The following RELN variants were observed in gnomAD, a reference collection of about 807,000 sequenced individuals.
RELN encodes the protein reelin.
RELN carries 108 observed loss-of-function variants against 427.6 expected under a neutral mutation model. The observed-to-expected ratio is 0.25, with a 90% CI of 0.22 to 0.30. The LOEUF (loss-of-function observed/expected upper bound fraction) is 0.30. RELN is among the 10% of genes least tolerant of loss of function. The pLI is 1.00. For synonymous variants in RELN, 1,524 were observed against 1,513.4 expected (o/e 1.01, Z -0.16); for missense variants, 3,715 against 4,302.8 (o/e 0.86, Z 3.82).
At chr7:103,543,184 C>T (rs1185577877) in intron 42 of RELN, among the ~76,000 whole-genome samples, 1 of 152,154 alleles carries the variant, frequency 6.6e-6, no homozygotes. Flanking sequence ...ACTGGTTAGT[C>T]AGAGAGTAGT....
At chr7:103,479,671 A>G (rs1414108479) in intron 63 of RELN, among the ~76,000 whole-genome samples, 1 of 152,170 alleles carries the variant, frequency 6.6e-6, no homozygotes, top group Non-Finnish European at 1.5e-5. Flanking sequence ...ATTTATGAAA[A>G]TCAAATCCTT....
intron 1 of RELN, among the ~76,000 whole-genome samples, chr7:103,979,593 A>G (rs889989918): frequency 5.3e-5 from 8 of 152,232 alleles, no homozygotes; most frequent in African/African-American, 1.9e-4. Context: ...GGTTTATATC[A>G]CTGTAAGAGC....
chr7:103,518,505 G>GTTTTTTTTTTTTTTTTTTTTTTTTTTTT (rs58239018), intron 49 of RELN, among the ~76,000 whole-genome samples: 1 of 114,358 alleles, frequency 8.7e-6, no homozygotes, highest in Non-Finnish European at 1.6e-5. Flanking sequence ...GGTAATTTAA[G>GTTTTTTTTTTTTTTTTTTTTTTTTTTTT]TTTTTTTTTT....
chr7:103,487,209 A>G (rs963603061), intron 60 of RELN, among the ~76,000 whole-genome samples: 2 of 152,184 alleles, frequency 1.3e-5, no homozygotes, highest in Non-Finnish European at 2.9e-5. Context: ...TTGAACAATT[A>G]GAACAGATGG....
At chr7:103,690,135 T>C (rs1399264190) in intron 10 of RELN, among the ~76,000 whole-genome samples, 2 of 152,184 alleles carry the variant, frequency 1.3e-5, no homozygotes, top group Non-Finnish European at 2.9e-5. Context: ...CTATTATTTA[T>C]CATAACTATG....
chr7:103,816,061 C>T (rs979086414), intron 3 of RELN, among the ~76,000 whole-genome samples: 2 of 152,114 alleles, frequency 1.3e-5, no homozygotes, highest in Non-Finnish European at 2.9e-5. Flanking sequence ...GTCAAATTAG[C>T]AAAAGAGGAA....
chr7:103,643,888 T>G (rs908965874), intron 16 of RELN, among the ~76,000 whole-genome samples: 2 of 152,006 alleles, frequency 1.3e-5, no homozygotes, highest in Non-Finnish European at 2.9e-5. Context: ...AATACAGGCA[T>G]GTGCCATGCC....
intron 1 of RELN, among the ~76,000 whole-genome samples, chr7:103,951,106 T>G (rs1220203459): frequency 6.6e-6 from 1 of 152,182 alleles, no homozygotes; most frequent in Non-Finnish European, 1.5e-5. Flanking sequence ...ATTTTTTGTA[T>G]TTTTAGTAGA....
chr7:103,579,867 T>C (rs1181541551), intron 28 of RELN, among the ~76,000 whole-genome samples: 1 of 152,212 alleles, frequency 6.6e-6, no homozygotes, highest in Non-Finnish European at 1.5e-5. Flanking sequence ...CGTGCAGAGA[T>C]GCAGAGTATT....
intron 22 of RELN, among the ~76,000 whole-genome samples, chr7:103,606,199 T>C (rs1831815312): frequency 6.6e-6 from 1 of 152,176 alleles, no homozygotes; most frequent in Non-Finnish European, 1.5e-5. Flanking sequence ...CGGCCACGGG[T>C]GACTAGATTG....
chr7:103,539,734 T>C (rs79275986), intron 44 of RELN, among the ~76,000 whole-genome samples: 1,532 of 152,358 alleles, frequency 0.01, 21 homozygotes, highest in African/African-American at 0.035. Context: ...ACAGGTTCTT[T>C]GAGTTCTATT....
intron 8 of RELN, among the ~76,000 whole-genome samples, chr7:103,710,575 AAG>A (rs1173968527): frequency 1.5e-4 from 23 of 152,362 alleles, no homozygotes; most frequent in African/African-American, 5.5e-4. Flanking sequence ...AAATATAAAT[AAG>A]AGAGAGGTTT....
intron 6 of RELN, among the ~76,000 whole-genome samples, chr7:103,740,647 G>C (rs1371297279): frequency 6.6e-6 from 1 of 152,104 alleles, no homozygotes; most frequent in Non-Finnish European, 1.5e-5. Flanking sequence ...ATTAGTAAAT[G>C]AGATAAACTT....
chr7:103,652,229 A>T (rs1431387184), intron 14 of RELN, among the ~76,000 whole-genome samples: 1 of 150,946 alleles, frequency 6.6e-6, no homozygotes, highest in African/African-American at 2.4e-5. Flanking sequence ...AGCCGACAGG[A>T]GGTCAAGCTT....
chr7:103,883,736 G>T (rs1324029368), intron 2 of RELN, among the ~76,000 whole-genome samples: 1 of 152,142 alleles, frequency 6.6e-6, no homozygotes, highest in Non-Finnish European at 1.5e-5. Flanking sequence ...GGGACATGAA[G>T]GACCTTTTCA....
chr7:103,489,225 T>TGTGTGTGTGTGTGTGTGTGTGTCC (rs1315911573), intron 60 of RELN, among the ~76,000 whole-genome samples: 4 of 151,932 alleles, frequency 2.6e-5, no homozygotes, highest in African/African-American at 9.7e-5. Context: ...TGTGTGTGTG[T>TGTGTGTGTGTGTGTGTGTGTGTCC]GTGTCCGTGT....
intron 63 of RELN, among the ~76,000 whole-genome samples, chr7:103,479,304 T>A (rs976974013): frequency 6.6e-6 from 1 of 152,210 alleles, no homozygotes; most frequent in African/African-American, 2.4e-5. Flanking sequence ...CCCAGTGTAT[T>A]CATAAACATA....
intron 3 of RELN, among the ~76,000 whole-genome samples, chr7:103,796,990 T>C (rs575975920): frequency 3.3e-5 from 5 of 152,286 alleles, no homozygotes; most frequent in Admixed American, 1.3e-4. Context: ...TGCCTAAAAT[T>C]TCTTACTTAG....
intron 45 of RELN, among the ~76,000 whole-genome samples, chr7:103,535,774 C>T (rs540367652): frequency 2.6e-5 from 4 of 152,148 alleles, no homozygotes; most frequent in Admixed American, 6.5e-5. Flanking sequence ...GCTTTTGGAA[C>T]AATCATCATG....
Sources: gnomAD v4.1 joint callset for allele counts (sites outside exome capture counted in the v4.1 genomes callset) on GRCh38, gnomAD v4.1.1 for gene constraint, MANE v1.5 for transcripts, NCBI Gene and HGNC (gene_info 2026-07-23, HGNC 2026-07-21) for gene names.